SLC10A7: variants seen among roughly 807,000 people sequenced by gnomAD.
The protein encoded by SLC10A7 is sodium/bile acid cotransporter 7.
Under a neutral mutation model 43.2 loss-of-function variants are expected in SLC10A7, and 29 were observed. The observed-to-expected ratio is 0.67, with a 90% CI of 0.50 to 0.92. SLC10A7 has a LOEUF of 0.92. SLC10A7 is among the 40% of genes least tolerant of loss of function. SLC10A7 has a pLI of 0.00. For missense variants in SLC10A7, 295 were observed against 403.2 expected (o/e 0.73, Z 2.30); for synonymous variants, 152 against 144.8 (o/e 1.05, Z -0.35).
At chr4:146,515,008 T>C (rs1447896767) in intron 2 of SLC10A7, 2 of 623,472 alleles carry the variant, frequency 3.2e-6, no homozygotes, top group Non-Finnish European at 5.8e-6. Context: ...AGATCCAAAT[T>C]AGCTGGATGA....
intron 9 of SLC10A7, among the ~76,000 whole-genome samples, chr4:146,285,251 C>G (rs1729815006): frequency 6.6e-6 from 1 of 152,086 alleles, no homozygotes; most frequent in Non-Finnish European, 1.5e-5. Flanking sequence ...GAGAAGTGAT[C>G]ACACAGCATG....
chr4:146,425,688 T>G (rs1579155029), intron 5 of SLC10A7, among the ~76,000 whole-genome samples: 1 of 151,928 alleles, frequency 6.6e-6, no homozygotes, highest in Non-Finnish European at 1.5e-5. Context: ...GTATGGTGGG[T>G]CAATAAAAAA....
At chr4:146,368,522 G>C (rs937957799) in intron 5 of SLC10A7, among the ~76,000 whole-genome samples, 1 of 152,118 alleles carries the variant, frequency 6.6e-6, no homozygotes, top group Non-Finnish European at 1.5e-5. Context: ...TTATTTTTAC[G>C]TAGGTAGTAA....
intron 5 of SLC10A7, among the ~76,000 whole-genome samples, chr4:146,414,923 T>A (rs745557143): frequency 1.3e-5 from 2 of 152,008 alleles, no homozygotes; most frequent in Non-Finnish European, 2.9e-5. Context: ...TCACTCCTAA[T>A]GAAAATAGGA....
intron 4 of SLC10A7, among the ~76,000 whole-genome samples, chr4:146,499,363 A>G (rs867194630): frequency 6.6e-6 from 1 of 152,202 alleles, no homozygotes. Flanking sequence ...ATCAAATGGT[A>G]GGTGACAGTG....
At chr4:146,426,254 A>G (rs1729345367) in intron 5 of SLC10A7, among the ~76,000 whole-genome samples, 2 of 152,244 alleles carry the variant, frequency 1.3e-5, no homozygotes, top group African/African-American at 4.8e-5. Context: ...GAAACGGTTC[A>G]GCGAGCGACA....
chr4:146,444,794 T>C (rs890973481), intron 4 of SLC10A7, among the ~76,000 whole-genome samples: 2 of 152,118 alleles, frequency 1.3e-5, no homozygotes, highest in Non-Finnish European at 2.9e-5. Context: ...CGTCAATCTT[T>C]TGTGAAATGA....
At chr4:146,434,159 A>G (rs1730017674) in intron 5 of SLC10A7, among the ~76,000 whole-genome samples, 1 of 152,198 alleles carries the variant, frequency 6.6e-6, no homozygotes, top group African/African-American at 2.4e-5. Flanking sequence ...AAAGCAGAAA[A>G]TAAGATTGTC....
chr4:146,396,973 C>T (rs1738875476), intron 5 of SLC10A7, among the ~76,000 whole-genome samples: 1 of 152,106 alleles, frequency 6.6e-6, no homozygotes, highest in Admixed American at 6.6e-5. Flanking sequence ...AGACTTTCGG[C>T]TTTTACAGGC....
chr4:146,476,896 G>A (rs528621697), intron 4 of SLC10A7, among the ~76,000 whole-genome samples: 1 of 151,740 alleles, frequency 6.6e-6, no homozygotes, highest in African/African-American at 2.4e-5. Flanking sequence ...GGTGTAAAGA[G>A]TGAAAAACAC....
chr4:146,313,771 G>A (rs959917898), intron 6 of SLC10A7, among the ~76,000 whole-genome samples: 3 of 151,986 alleles, frequency 2.0e-5, no homozygotes, highest in African/African-American at 7.2e-5. Context: ...GGTCTCTTTC[G>A]CTGACCTAGA....
intron 9 of SLC10A7, among the ~76,000 whole-genome samples, chr4:146,286,129 T>A (rs78942747): frequency 1.2e-4 from 15 of 127,968 alleles, no homozygotes; most frequent in East Asian, 1.0e-3. Context: ...AGAAGGACTG[T>A]GTTTGGATTG....
At chr4:146,364,468 T>C (rs576631247) in intron 5 of SLC10A7, among the ~76,000 whole-genome samples, 5 of 152,074 alleles carry the variant, frequency 3.3e-5, no homozygotes, top group African/African-American at 1.2e-4. Flanking sequence ...GGAGGAAGAA[T>C]AGATTTGCAG....
intron 5 of SLC10A7, among the ~76,000 whole-genome samples, chr4:146,361,876 A>G (rs1054002281): frequency 3.3e-5 from 5 of 152,290 alleles, no homozygotes; most frequent in African/African-American, 9.6e-5. Context: ...TGTTAGAGAA[A>G]TTTAACAAAG....
intron 6 of SLC10A7, among the ~76,000 whole-genome samples, chr4:146,324,714 C>A (rs1323299358): frequency 6.6e-6 from 1 of 152,090 alleles, no homozygotes; most frequent in Non-Finnish European, 1.5e-5. Context: ...ATGGATGATT[C>A]CAGTTTCTCA....
chr4:146,413,069 T>A (rs1291242022), intron 5 of SLC10A7, among the ~76,000 whole-genome samples: 1 of 152,136 alleles, frequency 6.6e-6, no homozygotes, highest in Admixed American at 6.5e-5. Flanking sequence ...TCTCTATTCC[T>A]TTAAAAACTT....
At chr4:146,405,143 G>GT (rs964900160) in intron 5 of SLC10A7, among the ~76,000 whole-genome samples, 12 of 152,114 alleles carry the variant, frequency 7.9e-5, no homozygotes, top group Non-Finnish European at 1.5e-4. Context: ...TTTAAAATCA[G>GT]TTTTTTGCCT....
rs562373703 is a variant in SLC10A7 at position 146,255,320 on chromosome 4, T to G, written c.*1171A>C. 6.5e-6 allele frequency: 1 copy of G among 152,772 alleles called. No homozygotes were observed. Among genetic ancestry groups the G allele is most frequent in the South Asian group, 2.1e-4 (1 of 4,826 alleles). The allele number at this position is 152,772 out of a possible 1,614,324, so 9.5% of individuals were successfully genotyped here. On this transcript the variant is annotated 3_prime_UTR_variant, in exon 12 of 12. Transcript: ENST00000335472. ...TGCCCCGTTGGGAACTAATTTTACTTGATATTTTGGTTATTAAATGGTTTT... is the reference window on the plus strand; with the variant it reads ...TGCCCCGTTGGGAACTAATTTTACTGGATATTTTGGTTATTAAATGGTTTT...
chr4:146,441,932 T>C, intron 5 of SLC10A7: 1 of 981,188 alleles, frequency 1.0e-6, no homozygotes, highest in African/African-American at 1.7e-5. Context: ...GTAATTGATA[T>C]TTTACCTAGA....
Sources: allele counts gnomAD v4.1 joint callset (sites outside exome capture counted in the v4.1 genomes callset), GRCh38; gene constraint gnomAD v4.1.1; transcripts MANE v1.5; gene names NCBI Gene and HGNC (gene_info 2026-07-23, HGNC 2026-07-21).